Variants in MUSK observed in about 807,000 individuals in gnomAD.
MUSK encodes muscle, skeletal receptor tyrosine-protein kinase.
In MUSK, 55 loss-of-function variants were observed where a neutral mutation model predicts 88.7. The ratio of observed to expected loss-of-function variants is 0.62; its 90% confidence interval spans 0.50 to 0.78. The LOEUF is 0.78. MUSK is among the 30% of genes least tolerant of loss of function. The probability of loss-of-function intolerance (pLI) is 0.00; values close to 1 mark genes in which losing one functional copy is unlikely to be tolerated. For missense variants in MUSK, 1,015 were observed against 1,074.3 expected (o/e 0.94, Z 0.77); for synonymous variants, 387 against 391.9 (o/e 0.99, Z 0.15).
At chr9:110,697,076 T>C (rs1267317974) in intron 4 of MUSK, among the ~76,000 whole-genome samples, 1 of 148,512 alleles carries the variant, frequency 6.7e-6, no homozygotes, top group African/African-American at 2.5e-5. Context: ...AATATATATA[T>C]ACACACACTC....
chr9:110,712,065 G>A (rs2076678934), intron 5 of MUSK, among the ~76,000 whole-genome samples: 1 of 151,644 alleles, frequency 6.6e-6, no homozygotes, highest in African/African-American at 2.4e-5. Flanking sequence ...CTATAAATGG[G>A]TCTGTCCTTG....
At chr9:110,671,584 T>G (rs1311173564) in intron 1 of MUSK, among the ~76,000 whole-genome samples, 1 of 152,178 alleles carries the variant, frequency 6.6e-6, no homozygotes, top group Non-Finnish European at 1.5e-5. Flanking sequence ...TTAGTTTAAT[T>G]AAGGCTACTA....
intron 7 of MUSK, among the ~76,000 whole-genome samples, chr9:110,756,204 TACTG>T (rs896562935): frequency 1.3e-5 from 2 of 151,784 alleles, no homozygotes; most frequent in African/African-American, 2.4e-5. Context: ...GGTACCTGAA[TACTG>T]ACTGTCTCCT....
intron 3 of MUSK, among the ~76,000 whole-genome samples, chr9:110,690,215 TTTAA>T (rs2076316459): frequency 1.4e-5 from 1 of 69,502 alleles, no homozygotes; most frequent in Non-Finnish European, 2.7e-5. Context: ...TAAATATATA[TTTAA>T]GTATAAATAT....
intron 5 of MUSK, among the ~76,000 whole-genome samples, chr9:110,698,509 C>T (rs978876369): frequency 3.3e-5 from 5 of 152,114 alleles, no homozygotes; most frequent in African/African-American, 1.2e-4. Flanking sequence ...CTATCTTTTT[C>T]TGCATATTTC....
chr9:110,789,798 T>A (rs2077941130), intron 14 of MUSK, among the ~76,000 whole-genome samples: 1 of 152,180 alleles, frequency 6.6e-6, no homozygotes, highest in African/African-American at 2.4e-5. Context: ...AAAGACGTGT[T>A]TTTTGGCGAT....
intron 11 of MUSK, among the ~76,000 whole-genome samples, chr9:110,781,087 T>C (rs2132007748): frequency 6.6e-6 from 1 of 152,234 alleles, no homozygotes; most frequent in South Asian, 2.1e-4. Flanking sequence ...CTATAGATAC[T>C]CCCCAACTCC....
intron 7 of MUSK, among the ~76,000 whole-genome samples, chr9:110,759,923 C>T (rs2077374580): frequency 6.6e-6 from 1 of 152,144 alleles, no homozygotes; most frequent in Non-Finnish European, 1.5e-5. Flanking sequence ...GTAATCCCAG[C>T]TGCTTGGGAG....
chr9:110,790,564 T>C (rs1243093453), intron 14 of MUSK, among the ~76,000 whole-genome samples: 2 of 152,152 alleles, frequency 1.3e-5, no homozygotes, highest in Non-Finnish European at 2.9e-5. Context: ...GTAAAGAGAA[T>C]GCTCAGATCA....
chr9:110,798,372 G>T (rs1267483676), intron 14 of MUSK, among the ~76,000 whole-genome samples: 1 of 152,264 alleles, frequency 6.6e-6, no homozygotes, highest in East Asian at 1.9e-4. Flanking sequence ...GGGAAAAATG[G>T]TATAACTAAA....
chr9:110,717,753 T>A (rs2076763410), intron 5 of MUSK, among the ~76,000 whole-genome samples: 1 of 151,468 alleles, frequency 6.6e-6, no homozygotes, highest in Non-Finnish European at 1.5e-5. Context: ...TCCCTCAGTG[T>A]TGTCCTATGT....
chr9:110,723,845 T>A (rs1223820119), intron 5 of MUSK, among the ~76,000 whole-genome samples: 1 of 152,018 alleles, frequency 6.6e-6, no homozygotes, highest in African/African-American at 2.4e-5. Flanking sequence ...GCCTAGAAAA[T>A]CTCCACCACT....
intron 5 of MUSK, among the ~76,000 whole-genome samples, chr9:110,701,365 A>T (rs2076497829): frequency 1.3e-5 from 2 of 152,218 alleles, no homozygotes; most frequent in African/African-American, 4.8e-5. Context: ...CAGGAAGGAA[A>T]ATAGGGCAAA....
chr9:110,721,699 T>C (rs2076812554), intron 5 of MUSK, among the ~76,000 whole-genome samples: 1 of 152,070 alleles, frequency 6.6e-6, no homozygotes, highest in Non-Finnish European at 1.5e-5. Context: ...GCAATTCCCA[T>C]GGAAATACCA....
intron 6 of MUSK, among the ~76,000 whole-genome samples, chr9:110,744,068 A>T (rs558276743): frequency 6.6e-6 from 1 of 152,080 alleles, no homozygotes; most frequent in East Asian, 1.9e-4. Context: ...CCTGGGTTCA[A>T]GCAATGCTCC....
intron 5 of MUSK, among the ~76,000 whole-genome samples, chr9:110,704,723 C>T (rs867598285): frequency 5.3e-5 from 8 of 151,742 alleles, no homozygotes; most frequent in African/African-American, 9.7e-5. Flanking sequence ...CGATGGCTCA[C>T]GCCTATAATC....
intron 5 of MUSK, among the ~76,000 whole-genome samples, chr9:110,704,862 G>C (rs1564233500): frequency 6.6e-6 from 1 of 151,872 alleles, no homozygotes; most frequent in Non-Finnish European, 1.5e-5. Context: ...GCAGGCACCT[G>C]AAATTCTAGC....
At chr9:110,707,428 C>T (rs1167400317) in intron 5 of MUSK, among the ~76,000 whole-genome samples, 1 of 152,102 alleles carries the variant, frequency 6.6e-6, no homozygotes, top group African/African-American at 2.4e-5. Context: ...CTGAATGTGG[C>T]TCTTACTACA....
chr9:110,693,208 A>G (rs1208405227), intron 3 of MUSK, among the ~76,000 whole-genome samples: 1 of 151,932 alleles, frequency 6.6e-6, no homozygotes, highest in African/African-American at 2.4e-5. Context: ...ATATTTTTGC[A>G]TATTCTCTCT....
Sources: allele counts gnomAD v4.1 joint callset (sites outside exome capture counted in the v4.1 genomes callset), GRCh38; gene constraint gnomAD v4.1.1; transcripts MANE v1.5; gene names NCBI Gene and HGNC (gene_info 2026-07-23, HGNC 2026-07-21).